Variants in LRRC4C observed in about 807,000 individuals in gnomAD.
LRRC4C encodes leucine-rich repeat-containing protein 4C.
A neutral mutation model predicts 33.6 loss-of-function variants in LRRC4C; 5 were observed. That is an observed-to-expected ratio of 0.15 (90% CI 0.08 to 0.31). The LOEUF is 0.31. Ranked by LOEUF, LRRC4C falls within the 10% of genes least tolerant of loss-of-function variation. The pLI, the probability that LRRC4C is intolerant of heterozygous loss-of-function variation, is 1.00. For synonymous variants in LRRC4C, 329 were observed against 302.0 expected (o/e 1.09, Z -0.93); for missense variants, 560 against 796.7 (o/e 0.70, Z 3.58).
chr11:40,902,775 TCTAA>T (rs1956262820), intron 2 of LRRC4C, among the ~76,000 whole-genome samples: 1 of 152,152 alleles, frequency 6.6e-6, no homozygotes, highest in Non-Finnish European at 1.5e-5. Context: ...ATACCTAGGC[TCTAA>T]CTATCTTTAA....
intron 1 of LRRC4C, among the ~76,000 whole-genome samples, chr11:41,436,793 A>G (rs1955443788): frequency 6.6e-6 from 1 of 152,214 alleles, no homozygotes; most frequent in Non-Finnish European, 1.5e-5. Context: ...TCAAAAGCTG[A>G]ATGGAAAACT....
Position 40,794,135 on chromosome 11 carries a change from T to G in LRRC4C, c.-407+139500A>C, listed in dbSNP as rs192603762. On this transcript the variant is annotated intron_variant, in intron 2 of 6. Coordinates refer to ENST00000528697, the MANE Select transcript of LRRC4C (RefSeq NM_001258419.2). ...TCTGAATTAATGACCAACAGAATCTTGGAATATCCTTTTTCAAGGAAGTAG... is the reference window on the plus strand; with the variant it reads ...TCTGAATTAATGACCAACAGAATCTGGGAATATCCTTTTTCAAGGAAGTAG... 2.0e-5 allele frequency among the ~76,000 whole-genome samples: 3 copies of G among 152,202 alleles called. No individual in the cohort carries two copies. In the East Asian group the frequency reaches 5.8e-4, roughly 29 times the overall value.
chr11:40,470,525 G>A (rs181671347), intron 3 of LRRC4C, among the ~76,000 whole-genome samples: 93 of 152,278 alleles, frequency 6.1e-4, no homozygotes, highest in African/African-American at 2.0e-3. Flanking sequence ...AAAACTGGAC[G>A]GAGAATGAGA....
intron 3 of LRRC4C, among the ~76,000 whole-genome samples, chr11:40,500,327 C>G: frequency 7.0e-6 from 1 of 142,554 alleles, no homozygotes; most frequent in South Asian, 2.2e-4. Flanking sequence ...CACACACACA[C>G]ACACACATTA....
intron 3 of LRRC4C, among the ~76,000 whole-genome samples, chr11:40,596,289 C>A (rs961253477): frequency 6.6e-6 from 1 of 152,028 alleles, no homozygotes; most frequent in African/African-American, 2.4e-5. Context: ...ACATATAAAC[C>A]CAATAGTCTT....
At chr11:40,450,720 T>A (rs1376055907) in intron 3 of LRRC4C, among the ~76,000 whole-genome samples, 1 of 150,126 alleles carries the variant, frequency 6.7e-6, no homozygotes, top group Non-Finnish European at 1.5e-5. Context: ...TTGGAATCAC[T>A]CCCTGTGACA....
At chr11:40,437,519 G>C (rs1474602469) in intron 3 of LRRC4C, among the ~76,000 whole-genome samples, 2 of 151,388 alleles carry the variant, frequency 1.3e-5, no homozygotes, top group Non-Finnish European at 2.9e-5. Context: ...TCAGCCTCCT[G>C]GGTAGCTGGG....
intron 2 of LRRC4C, among the ~76,000 whole-genome samples, chr11:40,888,473 A>G (rs1294591285): frequency 6.6e-6 from 1 of 152,018 alleles, no homozygotes; most frequent in East Asian, 1.9e-4. Context: ...TGCGTTTAAT[A>G]TATAATTCAG....
At chr11:41,427,075 A>G (rs541373032) in intron 1 of LRRC4C, among the ~76,000 whole-genome samples, 1 of 152,306 alleles carries the variant, frequency 6.6e-6, no homozygotes, top group Non-Finnish European at 1.5e-5. Flanking sequence ...TAGTTGAGAA[A>G]TGGTATAGAT....
chr11:40,467,027 G>A (rs1952685290), intron 3 of LRRC4C, among the ~76,000 whole-genome samples: 1 of 152,072 alleles, frequency 6.6e-6, no homozygotes. Flanking sequence ...TTTCTTAAAA[G>A]GAAAAGACGC....
intron 3 of LRRC4C, among the ~76,000 whole-genome samples, chr11:40,452,929 G>T (rs1200430436): frequency 6.6e-6 from 1 of 151,726 alleles, no homozygotes; most frequent in African/African-American, 2.4e-5. Context: ...ACTATCGCAA[G>T]GATAAGAAAC....
intron 1 of LRRC4C, among the ~76,000 whole-genome samples, chr11:41,124,715 A>G (rs968687656): frequency 1.3e-5 from 2 of 152,174 alleles, no homozygotes; most frequent in South Asian, 4.1e-4. Flanking sequence ...TGTTTCCTCT[A>G]TTTATTATTT....
At chr11:40,285,388 CAG>C (rs1310504448) in intron 4 of LRRC4C, among the ~76,000 whole-genome samples, 1 of 152,182 alleles carries the variant, frequency 6.6e-6, no homozygotes, top group African/African-American at 2.4e-5. Context: ...GATCGTATTA[CAG>C]AGAGATCAAA....
At chr11:40,625,195 T>C (rs1365796206) in intron 3 of LRRC4C, among the ~76,000 whole-genome samples, 1 of 152,188 alleles carries the variant, frequency 6.6e-6, no homozygotes, top group Non-Finnish European at 1.5e-5. Context: ...GTCCATGCTC[T>C]TAATCACTGT....
At chr11:40,849,635 A>T (rs1953380049) in intron 2 of LRRC4C, among the ~76,000 whole-genome samples, 1 of 151,754 alleles carries the variant, frequency 6.6e-6, no homozygotes, top group Non-Finnish European at 1.5e-5. Context: ...GCTCTTCTCG[A>T]GGAGTATCTT....
At chr11:41,067,291 T>C (rs1938320385) in intron 1 of LRRC4C, among the ~76,000 whole-genome samples, 1 of 152,090 alleles carries the variant, frequency 6.6e-6, no homozygotes, top group Admixed American at 6.6e-5. Context: ...AAATAGACTT[T>C]AAACTAACAA....
At chr11:40,791,846 T>TTAG (rs908722483) in intron 2 of LRRC4C, among the ~76,000 whole-genome samples, 1 of 152,174 alleles carries the variant, frequency 6.6e-6, no homozygotes, top group Non-Finnish European at 1.5e-5. Flanking sequence ...TATTTGTTTT[T>TTAG]TAGAATATTT....
chr11:40,280,964 A>C (rs1214555973), intron 4 of LRRC4C, among the ~76,000 whole-genome samples: 1 of 152,096 alleles, frequency 6.6e-6, no homozygotes, highest in East Asian at 1.9e-4. Context: ...TTTGTTGTTA[A>C]TAGGGAATGG....
intron 2 of LRRC4C, among the ~76,000 whole-genome samples, chr11:40,713,194 A>G (rs955876699): frequency 1.8e-4 from 28 of 151,910 alleles, no homozygotes; most frequent in Non-Finnish European, 3.1e-4. Flanking sequence ...GTGCCCGGCC[A>G]TTATTTCTTT....
Sources: allele counts gnomAD v4.1 joint callset (sites outside exome capture counted in the v4.1 genomes callset), GRCh38; gene constraint gnomAD v4.1.1; transcripts MANE v1.5; gene names NCBI Gene and HGNC (gene_info 2026-07-23, HGNC 2026-07-21).